The following NEGR1 variants were observed in gnomAD, a reference collection of about 807,000 sequenced individuals.
The protein encoded by NEGR1 is neuronal growth regulator 1.
NEGR1 carries 10 observed loss-of-function variants against 40.9 expected under a neutral mutation model. The observed-to-expected ratio is 0.24, with a 90% confidence interval of 0.15 to 0.42. The LOEUF is 0.42. NEGR1 is among the 10% of genes least tolerant of loss of function. The probability of loss-of-function intolerance (pLI) is 1.00; values close to 1 mark genes in which losing one functional copy is unlikely to be tolerated. For synonymous variants in NEGR1, 185 were observed against 166.8 expected, an observed-to-expected ratio of 1.11 and a Z score of -0.84; for missense variants, 352 against 438.9, an observed-to-expected ratio of 0.80 and a Z score of 1.77.
intron 3 of NEGR1, among the ~76,000 whole-genome samples, chr1:71,731,044 T>C (rs1480270196): frequency 6.6e-6 from 1 of 152,054 alleles, no homozygotes; most frequent in Non-Finnish European, 1.5e-5. Flanking sequence ...CTAATAAGCA[T>C]TGAGGCTCAG....
chr1:72,163,028 A>T (rs545080090), intron 1 of NEGR1, among the ~76,000 whole-genome samples: 4 of 152,100 alleles, frequency 2.6e-5, no homozygotes, highest in Non-Finnish European at 4.4e-5. Flanking sequence ...GATTTAGGTT[A>T]TCTTTCCTTC....
At chr1:71,649,675 G>T (rs973241764) in intron 4 of NEGR1, among the ~76,000 whole-genome samples, 43 of 152,108 alleles carry the variant, frequency 2.8e-4, no homozygotes, top group African/African-American at 1.0e-3. Context: ...TCTGTAATTT[G>T]TAAAACTGAC....
intron 1 of NEGR1, among the ~76,000 whole-genome samples, chr1:72,112,948 C>T (rs1047392328): frequency 6.6e-6 from 1 of 151,668 alleles, no homozygotes; most frequent in African/African-American, 2.4e-5. Flanking sequence ...TTTAACACCA[C>T]CTCCATGTTC....
At chr1:72,060,800 G>A (rs889273356) in intron 1 of NEGR1, among the ~76,000 whole-genome samples, 4 of 151,602 alleles carry the variant, frequency 2.6e-5, no homozygotes, top group Non-Finnish European at 5.9e-5. Context: ...GTAAACTCCA[G>A]ACTTCTGGTC....
chr1:71,730,423 A>G (rs1654820764), intron 3 of NEGR1, among the ~76,000 whole-genome samples: 1 of 151,750 alleles, frequency 6.6e-6, no homozygotes, highest in Non-Finnish European at 1.5e-5. Context: ...GTAAAACTTA[A>G]TAGGACTTCT....
chr1:72,041,725 T>C (rs1211844724), intron 1 of NEGR1, among the ~76,000 whole-genome samples: 4 of 148,076 alleles, frequency 2.7e-5, no homozygotes, highest in African/African-American at 4.9e-5. Flanking sequence ...GATATATATA[T>C]ACACACACAT....
At chr1:71,917,971 A>C (rs1329741698) in intron 2 of NEGR1, among the ~76,000 whole-genome samples, 2 of 150,572 alleles carry the variant, frequency 1.3e-5, no homozygotes, top group Admixed American at 1.3e-4. Flanking sequence ...TAATCCCAGC[A>C]CTTTGGGAGG....
rs1569994749 is a variant in NEGR1, at chr1:71,532,353, A to G, written c.940+60464T>C. ...AACAATCTGAAAATAAAGCCCAACA[A>G]CTGAAATAAGTCCTCTAACTTGATA... On this transcript the variant is annotated intron_variant, in intron 6 of 6. Coordinates refer to ENST00000357731, the MANE Select transcript of NEGR1 (RefSeq NM_173808.3). Among the ~76,000 whole-genome samples, 4 of 151,708 alleles carry G rather than the reference A, an allele frequency of 2.6e-5. No homozygotes were observed. In the South Asian group the frequency reaches 8.3e-4, roughly 31 times the overall value.
chr1:71,823,270 T>A (rs966200020), intron 2 of NEGR1, among the ~76,000 whole-genome samples: 1 of 151,468 alleles, frequency 6.6e-6, no homozygotes, highest in Non-Finnish European at 1.5e-5. Context: ...AGACATCCAT[T>A]CCCTTCTGGA....
chr1:71,771,200 A>G (rs1266748210), intron 3 of NEGR1, among the ~76,000 whole-genome samples: 4 of 152,172 alleles, frequency 2.6e-5, no homozygotes, highest in African/African-American at 9.7e-5. Context: ...TAACACAAGA[A>G]CAGAAAACCA....
chr1:72,102,451 T>C (rs1008814228), intron 1 of NEGR1, among the ~76,000 whole-genome samples: 1 of 152,120 alleles, frequency 6.6e-6, no homozygotes, highest in Non-Finnish European at 1.5e-5. Context: ...GGAAATAACA[T>C]ATGCTATAAC....
chr1:72,253,335 T>C (rs146038744), intron 1 of NEGR1, among the ~76,000 whole-genome samples: 3 of 152,268 alleles, frequency 2.0e-5, no homozygotes, highest in Non-Finnish European at 2.9e-5. Flanking sequence ...TCCATCTCAT[T>C]AGGCTAGATG....
At chr1:71,803,492 C>T (rs1657637089) in intron 2 of NEGR1, among the ~76,000 whole-genome samples, 1 of 152,156 alleles carries the variant, frequency 6.6e-6, no homozygotes. Context: ...CATCCTGTTG[C>T]TTTTCCAATA....
chr1:72,271,743 C>A (rs113678991), intron 1 of NEGR1, among the ~76,000 whole-genome samples: 2 of 151,834 alleles, frequency 1.3e-5, no homozygotes, highest in Admixed American at 6.6e-5. Flanking sequence ...AGAATTCCCA[C>A]GTGTTGTCCC....
At chr1:71,447,020 T>C (rs1037611012) in intron 6 of NEGR1, among the ~76,000 whole-genome samples, 1 of 152,236 alleles carries the variant, frequency 6.6e-6, no homozygotes, top group African/African-American at 2.4e-5. Flanking sequence ...TGTATAAATA[T>C]ACCACAACTT....
At chr1:72,080,866 C>G (rs937734529) in intron 1 of NEGR1, among the ~76,000 whole-genome samples, 5 of 152,068 alleles carry the variant, frequency 3.3e-5, no homozygotes, top group East Asian at 3.9e-4. Context: ...GAAAAGCTTC[C>G]TAAAAGTCTC....
At chr1:71,698,783 T>C (rs1468900634) in intron 3 of NEGR1, among the ~76,000 whole-genome samples, 1 of 151,874 alleles carries the variant, frequency 6.6e-6, no homozygotes, top group African/African-American at 2.4e-5. Context: ...TCTTTATTTT[T>C]AAATATGCAT....
At chr1:72,089,946 C>A (rs975463974) in intron 1 of NEGR1, among the ~76,000 whole-genome samples, 1 of 151,834 alleles carries the variant, frequency 6.6e-6, no homozygotes, top group African/African-American at 2.4e-5. Flanking sequence ...ATTTTATGAG[C>A]CTTTTAATCA....
chr1:72,084,259 C>T (rs955744492), intron 1 of NEGR1, among the ~76,000 whole-genome samples: 1 of 152,052 alleles, frequency 6.6e-6, no homozygotes, highest in African/African-American at 2.4e-5. Flanking sequence ...ACAAAATAGG[C>T]CCCTGATGTT....
Sources: allele counts gnomAD v4.1 joint callset (sites outside exome capture counted in the v4.1 genomes callset), GRCh38; gene constraint gnomAD v4.1.1; transcripts MANE v1.5; gene names NCBI Gene and HGNC (gene_info 2026-07-23, HGNC 2026-07-21).